MYO15A: variants seen among roughly 807,000 people sequenced by gnomAD.
MYO15A encodes unconventional myosin-XV.
In MYO15A, 308 loss-of-function variants were observed where a neutral mutation model predicts 394.6. That is an observed-to-expected ratio of 0.78 (90% confidence interval 0.71 to 0.86). The LOEUF (loss-of-function observed/expected upper bound fraction) is 0.86. MYO15A is among the 40% of genes least tolerant of loss of function. The pLI is 0.00. For missense variants in MYO15A, 4,606 were observed against 4,799.1 expected (o/e 0.96, Z 1.19); for synonymous variants, 1,957 against 2,003.8 (o/e 0.98, Z 0.62).
At chr17:18,141,238 A>G (rs1173681879) in intron 22 of MYO15A, 95 bp downstream of exon 22, 3 of 1,568,492 alleles carry the variant, frequency 1.9e-6, no homozygotes, top group African/African-American at 1.3e-5. Flanking sequence ...AGGGCTTGCC[A>G]TGCACAGTTG....
At position 18,141,148 on chromosome 17, in the gene MYO15A, C is replaced by T. The variant is rs1392003350; in HGVS notation, c.5531+5C>T. ...TTTCCAGGGGTTCATCGACAGGTAT[C>T]TTGGTTACGGTAGTTCCTGAGCTCT... On this transcript the variant is annotated splice_donor_5th_base_variant and intron_variant, in intron 22 of 65. Transcript: ENST00000647165. 6 of 1,613,392 alleles carry T rather than the reference C, an allele frequency of 3.7e-6. No individual in the cohort carries two copies. In the African/African-American group the frequency reaches 8.0e-5, roughly 22 times the overall value.
intron 7 of MYO15A, among the ~76,000 whole-genome samples, chr17:18,128,526 G>C (rs1457761074): frequency 6.6e-6 from 1 of 152,286 alleles, no homozygotes; most frequent in East Asian, 1.9e-4. Context: ...GCCTGCCAGG[G>C]TCTCCCATCC....
intron 29 of MYO15A, among the ~76,000 whole-genome samples, 176 bp downstream of exon 29, chr17:18,144,768 G>A (rs1002449543): frequency 6.0e-5 from 9 of 149,544 alleles, no homozygotes; most frequent in Admixed American, 2.0e-4. Context: ...TCTGAGGACT[G>A]GTGGCTTTTC....
At chr17:18,126,672 A>T (rs1293212185) in intron 5 of MYO15A, 119 bp from the exon 6 acceptor site, 10 of 1,276,368 alleles carry the variant, frequency 7.8e-6, no homozygotes, top group Middle Eastern at 2.4e-4. Context: ...GCATTCCCCC[A>T]ACAGGGTGAG....
At chr17:18,163,873 T>C in intron 60 of MYO15A, 35 bp downstream of exon 60, 4 of 1,387,224 alleles carry the variant, frequency 2.9e-6, no homozygotes, top group Non-Finnish European at 4.1e-6. Flanking sequence ...GCTGGGCCCA[T>C]TCCCATCCCC....
chr17:18,142,615 A>G (rs1461904685), intron 24 of MYO15A, 141 bp from the exon 25 acceptor site: 3 of 750,286 alleles, frequency 4.0e-6, no homozygotes, highest in Non-Finnish European at 7.1e-6. Context: ...TCTGAGCTCC[A>G]GTTTCCCTTT....
rs757203026 is a variant in MYO15A, at chr17:18,119,524, G to A, written c.724G>A (p.Gly242Ser). 18 of 1,610,504 alleles carry A rather than the reference G, an allele frequency of 1.1e-5. No homozygotes were observed. The highest frequency in any genetic ancestry group is 1.5e-5 in the Non-Finnish European group (18 of 1,179,974). ...LGEYYDYHRD[G>S]DDYYDRQSLH... ...CGAGTATTATGACTATCACCGCGAC[G>A]GCGACGACTACTACGACCGGCAGTC... Residue 242 changes from glycine (G) to serine (S), a missense_variant, in exon 2 of 66, where the codon GGC (glycine) becomes AGC (serine). By Grantham distance (56) the Gly-to-Ser change is moderately conservative. This residue lies in a region of MYO15A where 1,830 missense variants were observed against 1,689.7 expected (regional missense o/e 1.08). Coordinates refer to ENST00000647165, the MANE Select transcript of MYO15A (RefSeq NM_016239.4).
At chr17:18,158,383 C>T in intron 51 of MYO15A, 140 bp from the exon 52 acceptor site, 3 of 499,102 alleles carry the variant, frequency 6.0e-6, no homozygotes, top group South Asian at 1.9e-5. Context: ...CAACGGGATG[C>T]GGGTGGGTCC....
At chr17:18,143,158 T>C (rs1373705682) in intron 25 of MYO15A, among the ~76,000 whole-genome samples, 1 of 152,214 alleles carries the variant, frequency 6.6e-6, no homozygotes, top group East Asian at 1.9e-4. Flanking sequence ...CTTACCTTCA[T>C]GTCTTGACCC....
chr17:18,148,022 C>T lies in MYO15A; in HGVS notation c.6510-7C>T, dbSNP rs1424795881. ...TCTTGATCCTGGCTCCAACTCCTAC[C>T]CATCAGGTTTGTGTCTGATTATGGG... is the stretch of plus-strand genomic sequence containing the variant. On this transcript the variant is annotated splice_polypyrimidine_tract_variant and splice_region_variant and intron_variant, in intron 30 of 65. Coordinates refer to ENST00000647165, the MANE Select transcript of MYO15A (RefSeq NM_016239.4). This position sits in a 1 kb window ranked among gnomAD's most constrained non-coding sequence, Gnocchi z 4.8. 13 of 1,613,966 alleles carry T rather than the reference C, an allele frequency of 8.1e-6. No individual in the cohort carries two copies. Among genetic ancestry groups the T allele is most frequent in the African/African-American group, 1.3e-5 (1 of 74,954 alleles).
At chr17:18,137,991 G>A in intron 16 of MYO15A, 124 bp from the exon 17 acceptor site, 3 of 1,346,122 alleles carry the variant, frequency 2.2e-6, no homozygotes, top group Non-Finnish European at 3.0e-6. Flanking sequence ...TGAGCTCCCT[G>A]TTCTGGGAGG....
intron 23 of MYO15A, 113 bp from the exon 24 acceptor site, chr17:18,141,966 C>G: frequency 1.4e-6 from 2 of 1,399,960 alleles, no homozygotes; most frequent in South Asian, 1.2e-5. Context: ...CCTCCAGCCC[C>G]GCTCCAGGAG....
In MYO15A at chr17:18,161,374, C is replaced by T. The variant is rs1349744045; in HGVS notation, c.9444C>T (p.Cys3148=). The stretch of plus-strand genomic sequence containing the variant: ...ATATCGTGACCGCCTACCACAGCTG[C>T]TCTGAGGTCCTCCACCCACACCTCA... ...LLYIVTAYHS[C]SEVLHPHLTR... is the part of the protein sequence containing the mutation. Residue 3148 remains cysteine, a synonymous_variant, in exon 57 of 66, where the codon TGC becomes TGT. Transcript: ENST00000647165. 6 of 1,614,034 alleles carry T rather than the reference C, an allele frequency of 3.7e-6. No individual in the cohort carries two copies. The highest frequency in any genetic ancestry group is 1.7e-5 in the Admixed American group (1 of 60,010).
intron 5 of MYO15A, 72 bp downstream of exon 5, chr17:18,126,528 C>T (rs766856909): frequency 2.5e-5 from 35 of 1,419,562 alleles, no homozygotes; most frequent in African/African-American, 9.9e-5. Context: ...GCCTGGATCC[C>T]GGCTGCACCT....
rs367863299 is a variant in MYO15A, at chr17:18,167,695, G to A, written c.10054G>A (p.Ala3352Thr). The A allele has an allele frequency of 2.2e-4, 348 of 1,603,802 alleles. No homozygotes were observed. Among genetic ancestry groups the A allele is most frequent in the Non-Finnish European group, 2.7e-4 (323 of 1,179,978 alleles). ...VSKLASLQHR[A>T]KDHFYLPSVR... ...CAAGCTGGCTTCACTGCAGCATCGC[G>A]CCAAGGACCACTTCTACCTGCCGAG... Residue 3352 changes from alanine to threonine, a missense_variant, in exon 62 of 66, where the codon GCC (alanine) becomes ACC (threonine). Transcript: ENST00000647165.
At chr17:18,118,553 C>T in intron 1 of MYO15A, 29 bp from the exon 2 acceptor site, 2 of 569,474 alleles carry the variant, frequency 3.5e-6, no homozygotes, top group Non-Finnish European at 6.2e-6. Context: ...TGGTAAACAA[C>T]ACCCACACAC....
chr17:18,120,792 C>G lies in MYO15A; in HGVS notation c.1992C>G (p.Pro664=). 4.5e-6 allele frequency: 6 copies of G among 1,330,554 alleles called. No homozygotes were observed. The highest frequency in any genetic ancestry group is 5.7e-6 in the Non-Finnish European group (6 of 1,045,044). The allele number at this position is 1,330,554 out of a possible 1,614,324, so 82.4% of individuals were successfully genotyped here. The change falls in exon 2 of 66, where the codon CCC becomes CCG. Residue 664 remains proline (P), a synonymous_variant. Transcript: ENST00000647165. ...ACTGGAGCGCGCTCCTGTCTCCGCCCGTGCCCCCGCGGCCCCCAAGCTCCG... is the reference window on the plus strand; with the variant it reads ...ACTGGAGCGCGCTCCTGTCTCCGCCGGTGCCCCCGCGGCCCCCAAGCTCCG... ...LSHWSALLSP[P]VPPRPPSSGP...
chr17:18,118,654 C>T lies in MYO15A; in HGVS notation c.-147C>T. On this transcript the variant is annotated 5_prime_UTR_variant, in exon 2 of 66. Transcript: ENST00000647165. ...CCCGGAATCCTGGCTCGGCCCTCCCCACGCCACCCAGGGCCAGTCGGGTCT... is the reference window on the plus strand; with the variant it reads ...CCCGGAATCCTGGCTCGGCCCTCCCTACGCCACCCAGGGCCAGTCGGGTCT... The T allele has an allele frequency of 6.3e-6, 8 of 1,268,514 alleles. No individual in the cohort carries two copies. Among genetic ancestry groups the T allele is most frequent in the Non-Finnish European group, 8.7e-6 (8 of 924,014 alleles). 78.6% of individuals were successfully genotyped at this position (1,268,514 alleles called of 1,614,324 possible).
In MYO15A at chr17:18,150,318, CTGCCCCCTCCCACGAGAGGGT is replaced by C. The variant is rs995702080; in HGVS notation, c.7213-110_7213-90del. 2.1e-6 allele frequency: 2 copies of C among 933,718 alleles called. No homozygotes were observed. The highest frequency in any genetic ancestry group is 3.3e-5 in the African/African-American group (2 of 61,426). 57.8% of individuals were successfully genotyped at this position (933,718 alleles called of 1,614,324 possible). A position where few individuals can be genotyped will look rare whatever the true frequency, so the allele number is the denominator to read the frequency against. On this transcript the variant is annotated intron_variant, in intron 35 of 65. Transcript: ENST00000647165. This position sits in a 1 kb window ranked among gnomAD's most constrained non-coding sequence, Gnocchi z 4.4. ...CAGCAGACACTGAGCCAGTGGGAGG[CTGCCCCCTCCCACGAGAGGGT>C]GGGGAAGAGGCCAGTGTCAGGTGCC...
Sources: allele counts gnomAD v4.1 joint callset (sites outside exome capture counted in the v4.1 genomes callset), GRCh38; gene constraint gnomAD v4.1.1; regional missense constraint gnomAD v4.1.1; non-coding constraint Gnocchi (gnomAD v3.1); transcripts MANE v1.5; gene names NCBI Gene and HGNC (gene_info 2026-07-23, HGNC 2026-07-21).